Variants in DLG2 observed in about 807,000 individuals in gnomAD.
DLG2 encodes disks large homolog 2.
In DLG2, 45 loss-of-function variants were observed where a neutral mutation model predicts 132.5. The observed-to-expected ratio is 0.34, with a 90% CI of 0.27 to 0.44. The LOEUF is 0.44. Ranked by LOEUF, DLG2 falls within the 20% of genes least tolerant of loss-of-function variation. DLG2 has a pLI of 1.00. For missense variants in DLG2, 1,045 were observed against 1,196.9 expected (o/e 0.87, Z 1.87); for synonymous variants, 424 against 419.6 (o/e 1.01, Z -0.13).
intron 6 of DLG2, among the ~76,000 whole-genome samples, chr11:85,013,929 A>G (rs1445477763): frequency 6.6e-6 from 1 of 152,160 alleles, no homozygotes; most frequent in Non-Finnish European, 1.5e-5. Context: ...TTTTCTTTAA[A>G]AGACTTTTTT....
At chr11:85,351,395 C>A (rs534804261) in intron 3 of DLG2, among the ~76,000 whole-genome samples, 2 of 152,254 alleles carry the variant, frequency 1.3e-5, no homozygotes, top group South Asian at 4.1e-4. Flanking sequence ...AATTGAATAC[C>A]CTTTATTTCC....
intron 6 of DLG2, among the ~76,000 whole-genome samples, chr11:84,888,464 C>G (rs1036329879): frequency 2.6e-5 from 4 of 152,024 alleles, no homozygotes; most frequent in Non-Finnish European, 5.9e-5. Flanking sequence ...AGTTCTTAGG[C>G]TTTTGGAGTG....
intron 3 of DLG2, among the ~76,000 whole-genome samples, chr11:85,441,642 T>C (rs527438477): frequency 3.7e-4 from 57 of 152,314 alleles, no homozygotes; most frequent in Non-Finnish European, 6.9e-4. Context: ...TTGTGGACTT[T>C]ATAGCTTTCA....
chr11:85,085,645 G>A (rs1311056790), intron 6 of DLG2, among the ~76,000 whole-genome samples: 1 of 152,068 alleles, frequency 6.6e-6, no homozygotes, highest in African/African-American at 2.4e-5. Context: ...TACTTATCCT[G>A]TACCAGGACC....
intron 3 of DLG2, among the ~76,000 whole-genome samples, chr11:85,535,392 A>T (rs1159539573): frequency 1.3e-5 from 2 of 152,078 alleles, no homozygotes; most frequent in Non-Finnish European, 2.9e-5. Flanking sequence ...ATAAATATAT[A>T]TATAAAAATA....
chr11:84,143,932 T>C (rs2094961301), intron 9 of DLG2, among the ~76,000 whole-genome samples: 2 of 152,120 alleles, frequency 1.3e-5, no homozygotes, highest in Admixed American at 6.6e-5. Context: ...AGGAATTCTC[T>C]ACAAAAGCAC....
intron 4 of DLG2, among the ~76,000 whole-genome samples, chr11:85,243,143 A>T (rs2075972450): frequency 6.6e-6 from 1 of 152,008 alleles, no homozygotes. Flanking sequence ...CCAACAGTTG[A>T]AACAGCTTTC....
chr11:85,205,159 T>TAG (rs1408814873), intron 4 of DLG2, among the ~76,000 whole-genome samples: 57 of 146,996 alleles, frequency 3.9e-4, no homozygotes, highest in African/African-American at 1.4e-3. Context: ...TATATATATA[T>TAG]ATATAGATAT....
At chr11:83,986,238 T>C (rs1313044489) in intron 11 of DLG2, among the ~76,000 whole-genome samples, 3 of 127,790 alleles carry the variant, frequency 2.3e-5, no homozygotes, top group Non-Finnish European at 4.8e-5. Flanking sequence ...GTCCCCAGAG[T>C]GTGATGTTCC....
chr11:84,633,774 G>C (rs1468189601), intron 6 of DLG2, among the ~76,000 whole-genome samples: 1 of 152,056 alleles, frequency 6.6e-6, no homozygotes, highest in African/African-American at 2.4e-5. Context: ...ACAAGTTCAG[G>C]GCCATCCTTA....
intron 3 of DLG2, among the ~76,000 whole-genome samples, chr11:85,525,294 T>C (rs1048715487): frequency 6.6e-6 from 1 of 152,204 alleles, no homozygotes; most frequent in South Asian, 2.1e-4. Flanking sequence ...ATCAGTGACA[T>C]CTACAAAGAA....
intron 18 of DLG2, among the ~76,000 whole-genome samples, chr11:83,664,709 C>T (rs1276281849): frequency 1.3e-5 from 2 of 152,136 alleles, no homozygotes; most frequent in Non-Finnish European, 1.5e-5. Context: ...ATCACCCTTC[C>T]TTAAAATGTC....
intron 18 of DLG2, among the ~76,000 whole-genome samples, chr11:83,663,079 C>T (rs538454554): frequency 1.3e-5 from 2 of 152,228 alleles, no homozygotes. Flanking sequence ...TTGCTTTCTG[C>T]TTAAAATAAT....
At chr11:84,055,950 CTG>C (rs1292896772) in intron 11 of DLG2, among the ~76,000 whole-genome samples, 1 of 152,082 alleles carries the variant, frequency 6.6e-6, no homozygotes, top group Non-Finnish European at 1.5e-5. Flanking sequence ...CTAGATAACT[CTG>C]TATTATATAT....
intron 15 of DLG2, among the ~76,000 whole-genome samples, chr11:83,883,802 T>C (rs1187886050): frequency 2.3e-5 from 3 of 129,068 alleles, no homozygotes; most frequent in Non-Finnish European, 5.2e-5. Context: ...TGAACATGTA[T>C]ACAAAAAAAA....
At chr11:84,064,052 T>C (rs2096633215) in intron 10 of DLG2, among the ~76,000 whole-genome samples, 2 of 152,268 alleles carry the variant, frequency 1.3e-5, no homozygotes, top group Non-Finnish European at 2.9e-5. Context: ...ACATAGCACA[T>C]GAATACATGT....
intron 18 of DLG2, among the ~76,000 whole-genome samples, chr11:83,730,146 G>GTTTTTTTTTTTTTTTTTTTTTTTTTTTTT (rs541441004): frequency 1.8e-5 from 2 of 111,004 alleles, no homozygotes; most frequent in African/African-American, 3.5e-5. Context: ...TTTTTTTATG[G>GTTTTTTTTTTTTTTTTTTTTTTTTTTTTT]TTTTTTTTTT....
chr11:85,561,311 G>A (rs2077223271), intron 3 of DLG2, among the ~76,000 whole-genome samples: 1 of 97,304 alleles, frequency 1.0e-5, no homozygotes, highest in African/African-American at 3.9e-5. Context: ...CAGTCTAGGT[G>A]ACAGAGCAAG....
intron 7 of DLG2, among the ~76,000 whole-genome samples, chr11:84,360,952 T>A (rs569763682): frequency 1.3e-5 from 2 of 151,262 alleles, no homozygotes; most frequent in Non-Finnish European, 3.0e-5. Flanking sequence ...ATGAAACATA[T>A]AAAGATAAAA....
Sources: gnomAD v4.1 joint callset for allele counts (sites outside exome capture counted in the v4.1 genomes callset) on GRCh38, gnomAD v4.1.1 for gene constraint, MANE v1.5 for transcripts, NCBI Gene and HGNC (gene_info 2026-07-23, HGNC 2026-07-21) for gene names.